The following FER variants were observed in gnomAD, a reference collection of about 807,000 sequenced individuals.
FER encodes the protein FER tyrosine kinase, also known as tyrosine-protein kinase Fer.
FER carries 63 observed loss-of-function variants against 111.0 expected under a neutral mutation model. The observed-to-expected ratio is 0.57, with a 90% CI of 0.46 to 0.70. FER has a LOEUF of 0.70. Among genes scored for constraint, FER ranks in the 30% least tolerant of loss-of-function variants. The pLI is 0.00. For missense variants in FER, 914 were observed against 954.0 expected, an observed-to-expected ratio of 0.96 and a Z score of 0.55; for synonymous variants, 327 against 313.9, an observed-to-expected ratio of 1.04 and a Z score of -0.44.
chr5:109,152,008 G>A (rs912095056), intron 17 of FER, among the ~76,000 whole-genome samples: 2 of 152,056 alleles, frequency 1.3e-5, no homozygotes, highest in African/African-American at 4.8e-5. Context: ...TCGGGCAACC[G>A]TAGCTGTAGA....
At chr5:109,151,933 T>C (rs1315763115) in intron 17 of FER, among the ~76,000 whole-genome samples, 2 of 152,164 alleles carry the variant, frequency 1.3e-5, no homozygotes, top group Non-Finnish European at 2.9e-5. Flanking sequence ...TATGGTTTAC[T>C]GTCATGCCTC....
intron 14 of FER, among the ~76,000 whole-genome samples, chr5:109,043,106 G>A (rs1771420240): frequency 6.6e-6 from 1 of 152,158 alleles, no homozygotes; most frequent in African/African-American, 2.4e-5. Context: ...TATTATGGAG[G>A]TAGGGTCTGA....
chr5:109,007,541 A>G (rs1765661908), intron 13 of FER, among the ~76,000 whole-genome samples: 2 of 152,258 alleles, frequency 1.3e-5, no homozygotes, highest in Middle Eastern at 3.4e-3. Context: ...GCTCTTTTCA[A>G]TTTGACTTCT....
intron 10 of FER, 100 bp from the exon 11 acceptor site, chr5:108,946,030 G>A: frequency 1.4e-6 from 1 of 702,754 alleles, no homozygotes; most frequent in Non-Finnish European, 2.4e-6. Flanking sequence ...TTAGTTGGAA[G>A]ACATGATGGA....
chr5:109,015,689 T>C (rs1310724543), intron 13 of FER, among the ~76,000 whole-genome samples: 5 of 152,058 alleles, frequency 3.3e-5, no homozygotes, highest in Admixed American at 2.6e-4. Flanking sequence ...GCATTATATA[T>C]GGTAATTCAA....
At chr5:108,912,152 CCT>C (rs1298691087) in intron 10 of FER, among the ~76,000 whole-genome samples, 1 of 152,114 alleles carries the variant, frequency 6.6e-6, no homozygotes, top group Non-Finnish European at 1.5e-5. Flanking sequence ...GTGAGTAAAG[CCT>C]CTTTTTCTTC....
intron 16 of FER, chr5:109,052,032 A>G: frequency 8.8e-6 from 14 of 1,593,866 alleles, no homozygotes; most frequent in Non-Finnish European, 1.2e-5. Flanking sequence ...TCACCTTACC[A>G]TGCTCTTCAA....
intron 13 of FER, among the ~76,000 whole-genome samples, chr5:108,997,404 G>A (rs1159485756): frequency 5.7e-5 from 8 of 139,190 alleles, no homozygotes; most frequent in African/African-American, 2.7e-5. Flanking sequence ...GTGGTGGAGC[G>A]AGACCCTGTC....
Position 108,997,201 on chromosome 5 carries a change from C to T in FER, c.1656+37854C>T, listed in dbSNP as rs188434580. Among the ~76,000 whole-genome samples, 77 of 148,752 alleles carry T rather than the reference C, an allele frequency of 5.2e-4. No homozygotes were observed. In the East Asian group the frequency reaches 0.014, roughly 27 times the overall value. On this transcript the variant is annotated intron_variant, in intron 13 of 19. Coordinates refer to ENST00000281092, the MANE Select transcript of FER (RefSeq NM_005246.4). ...CAGGCAGATCACAAGGTCAGGAGAT[C>T]GAGACCATCCTGGCTAACACGGTGA... is the stretch of plus-strand genomic sequence containing the variant.
intron 3 of FER, among the ~76,000 whole-genome samples, chr5:108,831,988 T>C (rs1760093936): frequency 6.6e-6 from 1 of 152,036 alleles, no homozygotes; most frequent in Non-Finnish European, 1.5e-5. Flanking sequence ...TTTAAAAGTA[T>C]GTGTATGTCA....
chr5:109,186,129 T>A, intron 18 of FER, 71 bp from the exon 19 acceptor site: 1 of 1,603,290 alleles, frequency 6.2e-7, no homozygotes, highest in African/African-American at 1.3e-5. Flanking sequence ...GACACAGACA[T>A]ACATAACCAG....
chr5:109,144,217 T>C (rs1178600245), intron 17 of FER, among the ~76,000 whole-genome samples: 1 of 152,120 alleles, frequency 6.6e-6, no homozygotes, highest in African/African-American at 2.4e-5. Context: ...TTTTTACCAA[T>C]AGGTTTTTTT....
intron 16 of FER, among the ~76,000 whole-genome samples, chr5:109,073,807 G>A (rs969782150): frequency 6.6e-6 from 1 of 152,028 alleles, no homozygotes; most frequent in African/African-American, 2.4e-5. Context: ...AAGTGGACCT[G>A]CACAGTTCAA....
intron 5 of FER, among the ~76,000 whole-genome samples, chr5:108,858,766 A>ATTT (rs75243334): frequency 6.4e-5 from 8 of 124,726 alleles, no homozygotes; most frequent in South Asian, 5.1e-4. Context: ...CAGTTTTTTC[A>ATTT]TTTTTTTTTT....
At chr5:108,847,010 G>A (rs1170681944) in intron 5 of FER, among the ~76,000 whole-genome samples, 1 of 151,356 alleles carries the variant, frequency 6.6e-6, no homozygotes, top group Non-Finnish European at 1.5e-5. Context: ...AACACTTTCT[G>A]CTTTGTCCTT....
intron 5 of FER, among the ~76,000 whole-genome samples, chr5:108,866,968 A>G (rs1006595474): frequency 3.3e-5 from 5 of 152,198 alleles, no homozygotes; most frequent in African/African-American, 1.2e-4. Flanking sequence ...GACTTCTTCC[A>G]CATGAAGTCT....
intron 17 of FER, among the ~76,000 whole-genome samples, chr5:109,118,342 C>T (rs552424433): frequency 7.9e-5 from 12 of 152,276 alleles, no homozygotes; most frequent in Admixed American, 5.9e-4. Context: ...AGCCTTGCAT[C>T]CCAGGGATGA....
At chr5:108,780,078 A>G (rs1286231516) in intron 2 of FER, among the ~76,000 whole-genome samples, 2 of 152,232 alleles carry the variant, frequency 1.3e-5, no homozygotes, top group Non-Finnish European at 2.9e-5. Flanking sequence ...ATAAGCATAC[A>G]TAATCAAATA....
chr5:108,984,056 G>A (rs900042113), intron 13 of FER, among the ~76,000 whole-genome samples: 1 of 152,068 alleles, frequency 6.6e-6, no homozygotes, highest in Non-Finnish European at 1.5e-5. Context: ...TTCTTGAAAT[G>A]TATACTCTGG....
Sources: gnomAD v4.1 joint callset for allele counts (sites outside exome capture counted in the v4.1 genomes callset) on GRCh38, gnomAD v4.1.1 for gene constraint, MANE v1.5 for transcripts, NCBI Gene and HGNC (gene_info 2026-07-23, HGNC 2026-07-21) for gene names.